Variants in RAPGEF4 observed in about 807,000 individuals in gnomAD.
RAPGEF4 encodes Rap guanine nucleotide exchange factor 4.
Under a neutral mutation model 147.9 loss-of-function variants are expected in RAPGEF4, and 66 were observed. The observed-to-expected ratio is 0.45, with a 90% CI of 0.37 to 0.55. RAPGEF4 has a LOEUF of 0.55. RAPGEF4 is among the 20% of genes least tolerant of loss of function. The pLI, the probability that RAPGEF4 is intolerant of heterozygous loss-of-function variation, is 0.00. For synonymous variants in RAPGEF4, 419 were observed against 442.7 expected, an observed-to-expected ratio of 0.95 and a Z score of 0.67; for missense variants, 1,071 against 1,257.3, an observed-to-expected ratio of 0.85 and a Z score of 2.24.
intron 1 of RAPGEF4, among the ~76,000 whole-genome samples, chr2:172,751,549 G>A (rs1393635440): frequency 6.6e-6 from 1 of 152,136 alleles, no homozygotes. Context: ...AGTGATAAGA[G>A]CAGTGAAGGA....
At chr2:172,963,679 A>G (rs1689530439) in intron 8 of RAPGEF4, among the ~76,000 whole-genome samples, 1 of 152,230 alleles carries the variant, frequency 6.6e-6, no homozygotes, top group Non-Finnish European at 1.5e-5. Context: ...ACTGGAAGCC[A>G]GAAGCATGAT....
chr2:173,011,180 A>G lies in RAPGEF4; in HGVS notation c.1659-3284A>G, dbSNP rs570736041. On this transcript the variant is annotated intron_variant, in intron 17 of 30. Coordinates refer to ENST00000397081, the MANE Select transcript of RAPGEF4 (RefSeq NM_007023.4). The stretch of plus-strand genomic sequence containing the variant: ...CTTCAGCGCGCGCGCGCACACACAC[A>G]CACACACACACACACACACACACAC... 7.5e-3 allele frequency among the ~76,000 whole-genome samples: 1,138 copies of G among 151,528 alleles called. 13 individuals carry two copies. The highest frequency in any genetic ancestry group is 0.023 in the African/African-American group (949 of 41,202).
intron 24 of RAPGEF4, 31 bp from the exon 25 acceptor site, chr2:173,027,050 A>C (rs757477856): frequency 2.3e-5 from 36 of 1,545,058 alleles, no homozygotes; most frequent in Non-Finnish European, 3.1e-5. Flanking sequence ...TTAAAAAAAA[A>C]TAAGCAAAAT....
At chr2:172,869,474 G>T (rs1046004794) in intron 4 of RAPGEF4, among the ~76,000 whole-genome samples, 1 of 152,146 alleles carries the variant, frequency 6.6e-6, no homozygotes, top group Non-Finnish European at 1.5e-5. Flanking sequence ...ATCTTGCATG[G>T]AGTTAATGGT....
intron 4 of RAPGEF4, among the ~76,000 whole-genome samples, chr2:172,881,347 C>T (rs929568645): frequency 1.3e-5 from 2 of 152,186 alleles, no homozygotes; most frequent in Non-Finnish European, 2.9e-5. Flanking sequence ...TCTTACTGAG[C>T]TCTCTAATGA....
chr2:173,044,772 G>A (rs918896634), intron 29 of RAPGEF4, among the ~76,000 whole-genome samples: 1 of 152,078 alleles, frequency 6.6e-6, no homozygotes, highest in Non-Finnish European at 1.5e-5. Flanking sequence ...TCTAATGTGG[G>A]GCATGTTTGC....
intron 3 of RAPGEF4, among the ~76,000 whole-genome samples, chr2:172,800,759 G>A (rs1186037897): frequency 3.3e-5 from 5 of 152,150 alleles, no homozygotes; most frequent in South Asian, 2.1e-4. Context: ...CGAGGTACAC[G>A]CACATCATGG....
chr2:172,758,831 T>C (rs6728765), intron 1 of RAPGEF4, among the ~76,000 whole-genome samples: 149,007 of 152,218 alleles, frequency 0.98, 73,015 homozygotes, highest in East Asian at 1. Flanking sequence ...GGATATATGC[T>C]TCTGGAGTTT....
chr2:172,810,422 G>T (rs894759064), intron 3 of RAPGEF4, among the ~76,000 whole-genome samples: 6 of 152,232 alleles, frequency 3.9e-5, no homozygotes, highest in Admixed American at 3.9e-4. Flanking sequence ...GTGTGGCCCA[G>T]TTCCCACTCA....
chr2:172,861,656 G>A (rs951085796), intron 4 of RAPGEF4, among the ~76,000 whole-genome samples: 6 of 152,220 alleles, frequency 3.9e-5, no homozygotes, highest in African/African-American at 1.4e-4. Context: ...GAATATGTCT[G>A]CTGAATCTTA....
At chr2:172,890,004 A>G (rs751731999) in intron 4 of RAPGEF4, 1 of 213,988 alleles carries the variant, frequency 4.7e-6, no homozygotes, top group Non-Finnish European at 8.0e-6. Context: ...TACAGTTGTC[A>G]AGCTCAAATG....
chr2:172,866,717 A>G (rs554211335), intron 4 of RAPGEF4, among the ~76,000 whole-genome samples: 3 of 152,150 alleles, frequency 2.0e-5, no homozygotes, highest in Admixed American at 1.3e-4. Flanking sequence ...TTCTGGCCCA[A>G]ACCAATAATT....
chr2:172,790,469 C>T (rs953102292), intron 1 of RAPGEF4, among the ~76,000 whole-genome samples: 1 of 152,022 alleles, frequency 6.6e-6, no homozygotes, highest in Non-Finnish European at 1.5e-5. Flanking sequence ...TGCTTGGGGA[C>T]CAGCTGTTCA....
At chr2:172,760,347 C>A (rs185149813) in intron 1 of RAPGEF4, among the ~76,000 whole-genome samples, 16 of 152,256 alleles carry the variant, frequency 1.1e-4, no homozygotes, top group African/African-American at 3.4e-4. Context: ...GAATAGAAAG[C>A]CTTAGCAAAG....
chr2:172,925,617 C>CAT (rs1491283528), intron 6 of RAPGEF4, among the ~76,000 whole-genome samples: 3 of 150,254 alleles, frequency 2.0e-5, no homozygotes, highest in African/African-American at 7.4e-5. Flanking sequence ...CACACACACA[C>CAT]GCTGAATGTG....
At chr2:172,968,415 G>A (rs1281696576) in intron 10 of RAPGEF4, among the ~76,000 whole-genome samples, 1 of 152,166 alleles carries the variant, frequency 6.6e-6, no homozygotes, top group Non-Finnish European at 1.5e-5. Flanking sequence ...CCTCAGGCCA[G>A]CCTCCCCAGA....
intron 6 of RAPGEF4, among the ~76,000 whole-genome samples, chr2:172,949,463 A>T (rs1688000379): frequency 6.6e-6 from 1 of 152,198 alleles, no homozygotes; most frequent in Admixed American, 6.5e-5. Context: ...CTCAAAATCA[A>T]GAAAATCAGG....
rs556009974 is a variant in RAPGEF4 at position 172,969,823 on chromosome 2, C to T, written c.1004+2379C>T. ...GAGTCACCTTGGGAGAAATGGGAGTCGCTGCTTGTGCTTCCTTTTATTGTC... is the reference window on the plus strand; with the variant it reads ...GAGTCACCTTGGGAGAAATGGGAGTTGCTGCTTGTGCTTCCTTTTATTGTC... On this transcript the variant is annotated intron_variant, in intron 10 of 30. Coordinates refer to ENST00000397081, the MANE Select transcript of RAPGEF4 (RefSeq NM_007023.4). 2.9e-4 allele frequency among the ~76,000 whole-genome samples: 44 copies of T among 152,290 alleles called. No homozygotes were observed. In the East Asian group the frequency reaches 8.1e-3, roughly 28 times the overall value.
chr2:172,818,009 A>C (rs1186794247), intron 4 of RAPGEF4, among the ~76,000 whole-genome samples: 1 of 150,458 alleles, frequency 6.6e-6, no homozygotes, highest in Non-Finnish European at 1.5e-5. Flanking sequence ...TCAGCCATAA[A>C]AAGGAACAAA....
Sources: allele counts gnomAD v4.1 joint callset (sites outside exome capture counted in the v4.1 genomes callset), GRCh38; gene constraint gnomAD v4.1.1; transcripts MANE v1.5; gene names NCBI Gene and HGNC (gene_info 2026-07-23, HGNC 2026-07-21).